The following FCGR2A variants were observed in gnomAD, a reference collection of about 807,000 sequenced individuals.
The protein encoded by FCGR2A is Fc gamma receptor IIa, also known as low affinity immunoglobulin gamma Fc region receptor II-a.
In FCGR2A, 18 loss-of-function variants were observed where a neutral mutation model predicts 29.3. The ratio of observed to expected loss-of-function variants is 0.62; its 90% CI spans 0.43 to 0.91. FCGR2A has a LOEUF of 0.91. FCGR2A is among the 40% of genes least tolerant of loss of function. The pLI is 0.00. For missense variants in FCGR2A, 287 were observed against 393.0 expected, an observed-to-expected ratio of 0.73 and a Z score of 2.28; for synonymous variants, 126 against 144.8, an observed-to-expected ratio of 0.87 and a Z score of 0.93.
rs1297210001 is a variant in FCGR2A, at chr1:161,518,854, C to G, written c.*706C>G. Reference sequence around the variant, plus strand: ...GCCAGGCCGATCTCGAACTTCTGGCCTCTAGCGATCTGCCCGCCTCGGCCT... The same window carrying G: ...GCCAGGCCGATCTCGAACTTCTGGCGTCTAGCGATCTGCCCGCCTCGGCCT... On this transcript the variant is annotated 3_prime_UTR_variant, in exon 7 of 7. Transcript: ENST00000271450. The G allele has an allele frequency of 1.2e-5, 2 of 169,340 alleles. No individual in the cohort carries two copies. Among genetic ancestry groups the G allele is most frequent in the African/African-American group, 4.8e-5 (2 of 41,720 alleles). The allele number at this position is 169,340 out of a possible 1,614,324, so 10.5% of individuals were successfully genotyped here. A position where few individuals can be genotyped will look rare whatever the true frequency, so the allele number is the denominator to read the frequency against.
chr1:161,507,994 G>A (rs1675522197), intron 3 of FCGR2A, among the ~76,000 whole-genome samples: 1 of 147,848 alleles, frequency 6.8e-6, no homozygotes, highest in Non-Finnish European at 1.5e-5. Flanking sequence ...ACTGAGGCAG[G>A]AGAATTGCTT....
intron 6 of FCGR2A, among the ~76,000 whole-genome samples, chr1:161,514,266 C>T (rs894111475): frequency 1.3e-5 from 2 of 150,640 alleles, no homozygotes; most frequent in Non-Finnish European, 3.0e-5. Context: ...CAGTAAGGTA[C>T]CTCACCCAAA....
chr1:161,505,660 G>A, intron 1 of FCGR2A, 108 bp downstream of exon 1: 2 of 907,662 alleles, frequency 2.2e-6, no homozygotes, highest in South Asian at 1.3e-5. Flanking sequence ...GCAGGGGATA[G>A]ATTGAAAGAG....
At chr1:161,506,126 C>G in intron 2 of FCGR2A, 119 bp downstream of exon 2, 1 of 1,297,846 alleles carries the variant, frequency 7.7e-7, no homozygotes, top group Non-Finnish European at 1.1e-6. Context: ...TTGGGTTCAG[C>G]ATGGGCAGTT....
chr1:161,514,016 A>C, intron 6 of FCGR2A, 84 bp downstream of exon 6: 3 of 1,599,182 alleles, frequency 1.9e-6, no homozygotes, highest in Non-Finnish European at 2.6e-6. Context: ...GTTAATGCAA[A>C]ATTAAAATGG....
Position 161,510,929 on chromosome 1 carries a change from A to T in FCGR2A, c.715A>T (p.Ile239Phe), listed in dbSNP as rs1213692673. 6.2e-7 allele frequency: 1 copy of T among 1,614,098 alleles called. No homozygotes were observed. The highest frequency in any genetic ancestry group is 8.5e-7 in the Non-Finnish European group (1 of 1,180,006). ...AAIVAAVVAL[I>F]YCRKKRISAN... ...CATTGTTGCTGCTGTAGTGGCCTTG[A>T]TCTACTGCAGGAAAAAGCGGATTTC... The change falls in exon 5 of 7, where the codon ATC becomes TTC. Residue 239 changes from isoleucine (I) to phenylalanine (F), a missense_variant. Physicochemically the swap from Ile to Phe is conservative, Grantham distance 21. Transcript: ENST00000271450.
intron 3 of FCGR2A, among the ~76,000 whole-genome samples, chr1:161,508,017 T>C (rs1359660136): frequency 7.9e-6 from 1 of 126,622 alleles, no homozygotes; most frequent in Non-Finnish European, 1.6e-5. Flanking sequence ...ACCTGGGAGG[T>C]GGAGGTTGCG....
downstream of FCGR2A, among the ~76,000 whole-genome samples, chr1:161,522,537 A>G (rs1192986465): frequency 2.0e-5 from 3 of 152,074 alleles, no homozygotes; most frequent in Non-Finnish European, 4.4e-5. Context: ...ACAGAACCCC[A>G]GGCTGGGCCA....
At chr1:161,508,295 C>T (rs1383422393) in intron 3 of FCGR2A, among the ~76,000 whole-genome samples, 2 of 145,030 alleles carry the variant, frequency 1.4e-5, no homozygotes, top group Admixed American at 6.9e-5. Flanking sequence ...ATACAGAATA[C>T]TTTTTTTTTT....
In FCGR2A at chr1:161,510,259, C is replaced by T. The variant is rs1675682636; in HGVS notation, c.619+185C>T. The T allele has an allele frequency of 6.6e-6, 7 of 1,066,374 alleles. No homozygotes were observed. In the Admixed American group the frequency reaches 1.3e-4, roughly 20 times the overall value. 66.1% of individuals were successfully genotyped at this position (1,066,374 alleles called of 1,614,324 possible). ...CAAGTAGGGGCCAGAGCTTGGAGCCCTCACGTCCCAGGTAATAGGTAGTCA... is the reference window on the plus strand; with the variant it reads ...CAAGTAGGGGCCAGAGCTTGGAGCCTTCACGTCCCAGGTAATAGGTAGTCA... On this transcript the variant is annotated intron_variant, in intron 4 of 6. Transcript: ENST00000271450.
chr1:161,510,510 G>A (rs757089864), intron 4 of FCGR2A, among the ~76,000 whole-genome samples: 5 of 152,312 alleles, frequency 3.3e-5, no homozygotes, highest in South Asian at 2.1e-4. Context: ...CCAGCTATGC[G>A]AGGCTTTGGG....
At chr1:161,521,312 A>G (rs1002746645), downstream of FCGR2A, among the ~76,000 whole-genome samples, 15 of 152,080 alleles carry the variant, frequency 9.9e-5, no homozygotes, top group Non-Finnish European at 1.8e-4. Context: ...TGTCTAGTGC[A>G]TAGTAAAGCG....
intron 5 of FCGR2A, 79 bp from the exon 6 acceptor site, chr1:161,513,816 T>C: frequency 6.2e-7 from 1 of 1,607,322 alleles, no homozygotes; most frequent in Non-Finnish European, 8.5e-7. Context: ...CTGGTTATGG[T>C]TTTGCAGCCT....
In FCGR2A at chr1:161,518,618, CTT is replaced by C. The variant is rs10537486; in HGVS notation, c.*481_*482del. On this transcript the variant is annotated 3_prime_UTR_variant, in exon 7 of 7. Coordinates refer to ENST00000271450, the MANE Select transcript of FCGR2A (RefSeq NM_001136219.3). Reference sequence around the variant, plus strand: ...GCGCCTCAGATTTTTCCTTTAACATCTTTTTTTTTTTTGACAGAGTCTCAATC... The same window carrying C: ...GCGCCTCAGATTTTTCCTTTAACATCTTTTTTTTTTGACAGAGTCTCAATC... 1.8e-3 allele frequency: 284 copies of C among 157,698 alleles called. No homozygotes were observed. Among genetic ancestry groups the C allele is most frequent in the African/African-American group, 4.5e-3 (179 of 39,556 alleles). The allele number at this position is 157,698 out of a possible 1,614,324, so 9.8% of individuals were successfully genotyped here.
chr1:161,510,703 C>G lies in FCGR2A; in HGVS notation c.620-131C>G. 4 of 1,225,944 alleles carry G rather than the reference C, an allele frequency of 3.3e-6. No homozygotes were observed. The South Asian group carries it at 5.8e-5, about 18-fold the overall frequency. The allele number at this position is 1,225,944 out of a possible 1,614,324, so 75.9% of individuals were successfully genotyped here. ...GTGAATCTTGCATTGGTGAGTGACT[C>G]AGACACAGAAGAGCTTCAGGTGACA... On this transcript the variant is annotated intron_variant, in intron 4 of 6. Coordinates refer to ENST00000271450, the MANE Select transcript of FCGR2A (RefSeq NM_001136219.3).
downstream of FCGR2A, chr1:161,523,129 G>A (rs1676518457): frequency 6.6e-6 from 1 of 152,156 alleles, no homozygotes; most frequent in African/African-American, 2.4e-5. Context: ...CCAGCTGCCA[G>A]CTATTGCAGT....
At chr1:161,512,495 T>A (rs1432703644) in intron 5 of FCGR2A, among the ~76,000 whole-genome samples, 1 of 149,498 alleles carries the variant, frequency 6.7e-6, no homozygotes, top group East Asian at 1.9e-4. Flanking sequence ...TGGGGTTCAG[T>A]CTCCTCACTG....
chr1:161,506,276 G>GCATC, intron 2 of FCGR2A, 58 bp from the exon 3 acceptor site: 2 of 1,599,916 alleles, frequency 1.3e-6, no homozygotes, highest in Non-Finnish European at 1.7e-6. Flanking sequence ...AGCTCCTTTG[G>GCATC]CATCCACAGT....
At chr1:161,519,835 G>A (rs1305374587), downstream of FCGR2A, 1 of 152,134 alleles carries the variant, frequency 6.6e-6, no homozygotes, top group Non-Finnish European at 1.5e-5. Context: ...TGGAACACAA[G>A]TTGTCAGAAA....
Sources: allele counts gnomAD v4.1 joint callset (sites outside exome capture counted in the v4.1 genomes callset), GRCh38; gene constraint gnomAD v4.1.1; transcripts MANE v1.5; gene names NCBI Gene and HGNC (gene_info 2026-07-23, HGNC 2026-07-21).